Variants in RAD51C observed in about 807,000 individuals in gnomAD.
RAD51C encodes the protein RAD51 paralog C.
In RAD51C, 42 loss-of-function variants were observed where a neutral mutation model predicts 45.0. That is an observed-to-expected ratio of 0.93 (90% confidence interval 0.73 to 1.21). The LOEUF (loss-of-function observed/expected upper bound fraction) is 1.21, where lower values mean the gene tolerates loss of function less well. Among genes scored for constraint, RAD51C ranks in the 50% most tolerant of loss-of-function variants. RAD51C has a pLI of 0.00. For missense variants in RAD51C, 474 were observed against 452.2 expected, an observed-to-expected ratio of 1.05 and a Z score of -0.44; for synonymous variants, 172 against 159.8, an observed-to-expected ratio of 1.08 and a Z score of -0.58.
At chr17:58,731,567 G>A (rs28363326) in intron 7 of RAD51C, among the ~76,000 whole-genome samples, 3,528 of 152,184 alleles carry the variant, frequency 0.023, 130 homozygotes, top group African/African-American at 0.081. Flanking sequence ...CCAAAAAGCA[G>A]TCTTAAAGGT....
rs34517797 is a variant in RAD51C at position 58,734,588 on chromosome 17, GTTT to G, written c.*387_*389del. The G allele has an allele frequency of 0.012, 1,257 of 102,190 alleles. No homozygotes were observed. Among genetic ancestry groups the G allele is most frequent in the South Asian group, 0.026 (135 of 5,104 alleles). 6.3% of individuals were successfully genotyped at this position (102,190 alleles called of 1,614,324 possible). A position where few individuals can be genotyped will look rare whatever the true frequency, so the allele number is the denominator to read the frequency against. On this transcript the variant is annotated 3_prime_UTR_variant, in exon 9 of 9. Coordinates refer to ENST00000337432, the MANE Select transcript of RAD51C (RefSeq NM_058216.3). ...AAGAAACATATCATATTCTTATTGTGTTTTTTTTTTTTTTTTTTTTTTTGGAGA... is the reference window on the plus strand; with the variant it reads ...AAGAAACATATCATATTCTTATTGTGTTTTTTTTTTTTTTTTTTTTGGAGA...
rs2049030588 is a variant in RAD51C at position 58,724,209 on chromosome 17, T to C, written c.965+109T>C. The C allele has an allele frequency of 3.8e-6, 4 of 1,060,788 alleles. No individual in the cohort carries two copies. In the South Asian group the frequency reaches 5.3e-5, roughly 14 times the overall value. 65.7% of individuals were successfully genotyped at this position (1,060,788 alleles called of 1,614,324 possible). A position where few individuals can be genotyped will look rare whatever the true frequency, so the allele number is the denominator to read the frequency against. On this transcript the variant is annotated intron_variant, in intron 7 of 8. Transcript: ENST00000337432. Reference sequence around the variant, plus strand: ...TGTGGATGAGATATACAGTGACCCATGAAGTGACACTTTTGTTGCCTTGTC... The same window carrying C: ...TGTGGATGAGATATACAGTGACCCACGAAGTGACACTTTTGTTGCCTTGTC...
At chr17:58,702,597 G>A (rs1211087313) in intron 3 of RAD51C, among the ~76,000 whole-genome samples, 3 of 151,930 alleles carry the variant, frequency 2.0e-5, no homozygotes, top group Non-Finnish European at 4.4e-5. Flanking sequence ...AGAGGCTGAG[G>A]CAGGACAGTC....
At chr17:58,712,285 C>T (rs543583574) in intron 5 of RAD51C, among the ~76,000 whole-genome samples, 10 of 135,568 alleles carry the variant, frequency 7.4e-5, no homozygotes, top group African/African-American at 2.8e-4. Flanking sequence ...GCGGAGGTTG[C>T]AGTGAGCCAA....
rs768903850 is a variant in RAD51C, at chr17:58,696,769, G to C, written c.481G>C (p.Glu161Gln). 4.3e-6 allele frequency: 7 copies of C among 1,614,194 alleles called. No homozygotes were observed. In the South Asian group the frequency reaches 5.5e-5, roughly 13 times the overall value. The change falls in exon 3 of 9, where the codon GAG (glutamate) becomes CAG (glutamine). Residue 161 changes from glutamate to glutamine, a missense_variant. Transcript: ENST00000337432. ...AGGTGAAGCAGTTTTTATTGATACA[G>C]AGGGAAGTTTTATGGTTGATAGAGT... ...VAGEAVFIDT[E>Q]GSFMVDRVVD... is the part of the protein sequence containing the mutation.
At chr17:58,712,416 C>T (rs1190289521) in intron 5 of RAD51C, among the ~76,000 whole-genome samples, 1 of 139,798 alleles carries the variant, frequency 7.2e-6, no homozygotes, top group Non-Finnish European at 1.6e-5. Flanking sequence ...AAGTTCTAAA[C>T]AATAAAAAAT....
chr17:58,732,393 C>T, intron 7 of RAD51C, 91 bp from the exon 8 acceptor site: 1 of 1,040,450 alleles, frequency 9.6e-7, no homozygotes, highest in South Asian at 1.3e-5. Flanking sequence ...ATATAATAAA[C>T]CTATACATTT....
At chr17:58,717,836 G>A (rs914492383) in intron 5 of RAD51C, among the ~76,000 whole-genome samples, 30 of 152,188 alleles carry the variant, frequency 2.0e-4, no homozygotes, top group African/African-American at 7.2e-4. Context: ...ATGCCCTGTG[G>A]CATGTAAGGG....
chr17:58,727,062 C>T (rs1180167099), intron 7 of RAD51C, among the ~76,000 whole-genome samples: 5 of 151,782 alleles, frequency 3.3e-5, no homozygotes, highest in Admixed American at 3.3e-4. Context: ...CCTCGTGATC[C>T]ACCCGCCTCG....
chr17:58,712,035 T>TA lies in RAD51C; in HGVS notation c.837+2056dup, dbSNP rs769642136. Among the ~76,000 whole-genome samples the TA allele has an allele frequency of 1.9e-3, 283 of 145,220 alleles. 1 individual carries two copies. The highest frequency in any genetic ancestry group is 6.1e-3 in the African/African-American group (245 of 39,844). On this transcript the variant is annotated intron_variant, in intron 5 of 8. Transcript: ENST00000337432. ...GAACAACAAAGCTTGACCCCATCTC[T>TA]AAAAAAAAAAATACATAAAATAAGA...
chr17:58,716,556 G>A (rs377644977), intron 5 of RAD51C, among the ~76,000 whole-genome samples: 5 of 151,680 alleles, frequency 3.3e-5, no homozygotes, highest in East Asian at 1.9e-4. Flanking sequence ...TCCTCCTCCC[G>A]GGTTCACGCC....
At position 58,720,820 on chromosome 17, in the gene RAD51C, A is replaced by G. The variant is rs2048894791; in HGVS notation, c.904+8A>G. 1 of 1,599,196 alleles carries G rather than the reference A, an allele frequency of 6.3e-7. No individual in the cohort carries two copies. Among genetic ancestry groups the G allele is most frequent in the Admixed American group, 1.7e-5 (1 of 59,978 alleles). ...TGCTTGTTCCTGCATTAGGTGGGTA[A>G]TTAATCAGATAAACATTTTAGTTTA... On this transcript the variant is annotated splice_region_variant and intron_variant, in intron 6 of 8. Transcript: ENST00000337432.
At position 58,720,782 on chromosome 17, in the gene RAD51C, A is replaced by G. The variant is rs775208053; in HGVS notation, c.874A>G (p.Arg292Gly). ...LTNQMTTKID[R>G]NQALLVPALG... ...CAATCAGATGACAACAAAGATTGAT[A>G]GAAATCAGGCCTTGCTTGTTCCTGC... The change falls in exon 6 of 9, where the codon AGA (arginine) becomes GGA (glycine). Residue 292 changes from arginine to glycine, a missense_variant. By Grantham distance (125) the Arg-to-Gly change is moderately radical. Coordinates refer to ENST00000337432, the MANE Select transcript of RAD51C (RefSeq NM_058216.3). 4 of 1,612,678 alleles carry G rather than the reference A, an allele frequency of 2.5e-6. No homozygotes were observed. The highest frequency in any genetic ancestry group is 3.4e-6 in the Non-Finnish European group (4 of 1,179,108).
At chr17:58,699,298 G>A (rs931153212) in intron 3 of RAD51C, among the ~76,000 whole-genome samples, 7 of 152,036 alleles carry the variant, frequency 4.6e-5, no homozygotes, top group Non-Finnish European at 7.4e-5. Context: ...GAGCTACAGC[G>A]CCCGGCCTAT....
intron 6 of RAD51C, among the ~76,000 whole-genome samples, chr17:58,721,190 G>A (rs2048906335): frequency 6.6e-6 from 1 of 152,146 alleles, no homozygotes; most frequent in South Asian, 2.1e-4. Context: ...GCTGAGGAGT[G>A]AGAATTGCTT....
At chr17:58,726,030 TACA>T (rs2049109741) in intron 7 of RAD51C, among the ~76,000 whole-genome samples, 1 of 151,116 alleles carries the variant, frequency 6.6e-6, no homozygotes, top group Admixed American at 6.6e-5. Context: ...GAAAATGATG[TACA>T]ACACCAACAC....
At chr17:58,700,509 C>G (rs901130111) in intron 3 of RAD51C, among the ~76,000 whole-genome samples, 1 of 152,120 alleles carries the variant, frequency 6.6e-6, no homozygotes, top group South Asian at 2.1e-4. Context: ...GTGGCGCGAT[C>G]TGGGCTCACT....
chr17:58,702,575 C>G (rs1276791621), intron 3 of RAD51C, among the ~76,000 whole-genome samples: 3 of 151,938 alleles, frequency 2.0e-5, no homozygotes, highest in African/African-American at 7.3e-5. Flanking sequence ...TGACTGTAAT[C>G]CCAGCTACTC....
At chr17:58,718,803 TC>T (rs1229063347) in intron 5 of RAD51C, among the ~76,000 whole-genome samples, 1 of 152,188 alleles carries the variant, frequency 6.6e-6, no homozygotes, top group Non-Finnish European at 1.5e-5. Flanking sequence ...TTTCTTTTTT[TC>T]CTATAAAATT....
Sources: allele counts gnomAD v4.1 joint callset (sites outside exome capture counted in the v4.1 genomes callset), GRCh38; gene constraint gnomAD v4.1.1; transcripts MANE v1.5; gene names NCBI Gene and HGNC (gene_info 2026-07-23, HGNC 2026-07-21).